The following KAZN variants were observed in gnomAD, a reference collection of about 807,000 sequenced individuals.
KAZN encodes kazrin, periplakin interacting protein.
A neutral mutation model predicts 87.4 loss-of-function variants in KAZN; 40 were observed. The observed-to-expected ratio is 0.46, with a 90% CI of 0.36 to 0.60. KAZN has a LOEUF of 0.60. Ranked by LOEUF, KAZN falls within the 20% of genes least tolerant of loss-of-function variation. The probability of loss-of-function intolerance (pLI) is 0.00; values close to 1 mark genes in which losing one functional copy is unlikely to be tolerated. For missense variants in KAZN, 898 were observed against 1,073.9 expected, an observed-to-expected ratio of 0.84 and a Z score of 2.29; for synonymous variants, 466 against 458.3, an observed-to-expected ratio of 1.02 and a Z score of -0.22.
At chr1:14,336,330 T>C (rs1241999830) in intron 2 of KAZN, among the ~76,000 whole-genome samples, 2 of 152,256 alleles carry the variant, frequency 1.3e-5, no homozygotes, top group African/African-American at 4.8e-5. Context: ...TAATATTCCA[T>C]CATATAAATA....
rs115648328 is a variant in KAZN at position 14,638,659 on chromosome 1, A to G, written c.226+39436A>G. 9.1e-3 allele frequency among the ~76,000 whole-genome samples: 1,381 copies of G among 151,800 alleles called. 18 individuals are homozygous for G. Among genetic ancestry groups the G allele is most frequent in the African/African-American group, 0.032 (1,321 of 41,348 alleles). ...TGCCCGCAGTGGGAAATGACCGTGT[A>G]TGTTTGTGCAGGCAGCAGGGAGATG... is the stretch of plus-strand genomic sequence containing the variant. On this transcript the variant is annotated intron_variant, in intron 1 of 14. Coordinates refer to ENST00000376030, the MANE Select transcript of KAZN (RefSeq NM_201628.3).
At chr1:14,661,670 CGGGAGGGAGGGGA>C (rs1557871835) in intron 1 of KAZN, among the ~76,000 whole-genome samples, 3 of 5,458 alleles carry the variant, frequency 5.5e-4, no homozygotes, top group East Asian at 2.3e-3. Context: ...GACGGGGGGG[CGGGAGGGAGGGGA>C]GGGAGGGGAT....
At position 14,250,987 on chromosome 1, in the gene KAZN, A is replaced by G. The variant is rs189132410; in HGVS notation, c.249+70395A>G. 3.8e-4 allele frequency among the ~76,000 whole-genome samples: 58 copies of G among 152,342 alleles called. 1 individual carries two copies. The East Asian group carries it at 7.1e-3, about 19-fold the overall frequency. ...ATGAACCTGTACTAGAGGAGGCATA[A>G]CCAAAACAACAACAACAAAAAACAT... On this transcript the variant is annotated intron_variant, in intron 2 of 16. Coordinates refer to the KAZN transcript ENST00000636203.
intron 1 of KAZN, among the ~76,000 whole-genome samples, chr1:14,074,624 C>A (rs1252747000): frequency 6.6e-6 from 1 of 152,250 alleles, no homozygotes; most frequent in Non-Finnish European, 1.5e-5. Context: ...TAGAGCAGGG[C>A]CCTCTACAGA....
intron 5 of KAZN, 105 bp from the exon 6 acceptor site, chr1:15,060,067 T>C (rs1170730074): frequency 6.9e-7 from 1 of 1,439,078 alleles, no homozygotes; most frequent in African/African-American, 1.4e-5. Context: ...TACACCTCAG[T>C]GTTCCCATCT....
chr1:14,579,650 AGAAAT>A (rs1675416521), intron 2 of KAZN, among the ~76,000 whole-genome samples: 1 of 152,060 alleles, frequency 6.6e-6, no homozygotes, highest in Middle Eastern at 3.4e-3. Flanking sequence ...AAAAAAAAAA[AGAAAT>A]GCTACAGTAA....
intron 1 of KAZN, among the ~76,000 whole-genome samples, chr1:14,634,067 T>C (rs12758587): frequency 0.2 from 30,282 of 152,006 alleles, 3,316 homozygotes; most frequent in East Asian, 0.27. Flanking sequence ...AATATAAATA[T>C]AGGGTTTGCA....
At chr1:14,556,093 G>A (rs1477347974) in intron 2 of KAZN, among the ~76,000 whole-genome samples, 2 of 151,188 alleles carry the variant, frequency 1.3e-5, no homozygotes, top group Non-Finnish European at 2.9e-5. Flanking sequence ...CTCTTTTCGG[G>A]AGAAGAGCAG....
intron 1 of KAZN, among the ~76,000 whole-genome samples, chr1:14,723,523 C>T: frequency 6.6e-6 from 1 of 152,202 alleles, no homozygotes; most frequent in East Asian, 1.9e-4. Context: ...GATCACATGC[C>T]TCTATGGCCA....
chr1:15,051,826 A>G (rs914666850), intron 4 of KAZN, among the ~76,000 whole-genome samples: 3 of 152,212 alleles, frequency 2.0e-5, no homozygotes, highest in Non-Finnish European at 4.4e-5. Flanking sequence ...ACCATCTTAT[A>G]TTGTGGGACC....
chr1:13,985,568 A>C (rs1462037782), intron 1 of KAZN, among the ~76,000 whole-genome samples: 1 of 72,484 alleles, frequency 1.4e-5, no homozygotes, highest in African/African-American at 5.8e-5. Flanking sequence ...GGGTGGGGGG[A>C]GGGGGGAGGG....
At chr1:13,913,603 T>C (rs1639731689) in intron 1 of KAZN, among the ~76,000 whole-genome samples, 1 of 152,208 alleles carries the variant, frequency 6.6e-6, no homozygotes, top group Non-Finnish European at 1.5e-5. Flanking sequence ...GCAAATCTGG[T>C]TCTCTTCTGG....
chr1:14,312,595 T>A (rs1655379486), intron 2 of KAZN, among the ~76,000 whole-genome samples: 1 of 152,194 alleles, frequency 6.6e-6, no homozygotes, highest in Admixed American at 6.5e-5. Context: ...TTTATTGAAG[T>A]ATAATATATA....
chr1:14,358,061 T>A (rs1243314493), intron 2 of KAZN, among the ~76,000 whole-genome samples: 1 of 152,182 alleles, frequency 6.6e-6, no homozygotes, highest in Non-Finnish European at 1.5e-5. Context: ...CCTGGGCTTT[T>A]TTTGGTTGGT....
chr1:14,283,230 C>CT (rs1652987375), intron 2 of KAZN, among the ~76,000 whole-genome samples: 1 of 152,198 alleles, frequency 6.6e-6, no homozygotes, highest in Non-Finnish European at 1.5e-5. Context: ...TTTGCAGACT[C>CT]TATCAAGGCA....
chr1:14,967,795 C>T (rs1196245303), intron 2 of KAZN, among the ~76,000 whole-genome samples: 2 of 152,242 alleles, frequency 1.3e-5, no homozygotes, highest in Non-Finnish European at 2.9e-5. Flanking sequence ...TCCCCAGAGC[C>T]TCCAGAAGAA....
intron 1 of KAZN, among the ~76,000 whole-genome samples, chr1:14,022,734 A>T (rs6674913): frequency 0.58 from 88,625 of 151,842 alleles, 27,812 homozygotes; most frequent in South Asian, 0.8. Context: ...ACCATTTCCC[A>T]TCATGACCTT....
intron 2 of KAZN, among the ~76,000 whole-genome samples, chr1:14,980,927 G>A (rs1167473638): frequency 2.0e-5 from 3 of 152,180 alleles, no homozygotes; most frequent in African/African-American, 7.2e-5. Context: ...TGTCTTCAGT[G>A]TGAGCCCCTG....
At chr1:15,085,152 G>A (rs1265906598) in intron 8 of KAZN, among the ~76,000 whole-genome samples, 1 of 152,040 alleles carries the variant, frequency 6.6e-6, no homozygotes, top group African/African-American at 2.4e-5. Context: ...AAGACCTAAG[G>A]AAATTACCAA....
Sources: allele counts gnomAD v4.1 joint callset (sites outside exome capture counted in the v4.1 genomes callset), GRCh38; gene constraint gnomAD v4.1.1; transcripts MANE v1.5; gene names NCBI Gene and HGNC (gene_info 2026-07-23, HGNC 2026-07-21).